RNF216: variants seen among roughly 807,000 people sequenced by gnomAD.
RNF216 encodes the protein ring finger protein 216.
Under a neutral mutation model 110.8 loss-of-function variants are expected in RNF216, and 72 were observed. That is an observed-to-expected ratio of 0.65 (90% CI 0.54 to 0.79). The LOEUF is 0.79. RNF216 is among the 30% of genes least tolerant of loss of function. The pLI, the probability that RNF216 is intolerant of heterozygous loss-of-function variation, is 0.00. For missense variants in RNF216, 1,342 were observed against 1,141.2 expected (o/e 1.18, Z -2.54); for synonymous variants, 495 against 407.5 (o/e 1.21, Z -2.59).
At chr7:5,651,939 G>T (rs1415773666) in intron 14 of RNF216, among the ~76,000 whole-genome samples, 1 of 152,140 alleles carries the variant, frequency 6.6e-6, no homozygotes, top group African/African-American at 2.4e-5. Flanking sequence ...GAGCCACTGC[G>T]CCTGGCCTGC....
At chr7:5,667,993 C>A (rs901922647) in intron 13 of RNF216, among the ~76,000 whole-genome samples, 1 of 152,100 alleles carries the variant, frequency 6.6e-6, no homozygotes, top group Non-Finnish European at 1.5e-5. Flanking sequence ...CAGGTAACTT[C>A]GCGTTGGTAT....
chr7:5,636,318 AC>A (rs906763200), intron 15 of RNF216, among the ~76,000 whole-genome samples: 1 of 152,192 alleles, frequency 6.6e-6, no homozygotes, highest in African/African-American at 2.4e-5. Flanking sequence ...TAAAGAAGAC[AC>A]CTTCTTTATA....
At chr7:5,693,064 A>C (rs1245783289) in intron 13 of RNF216, among the ~76,000 whole-genome samples, 1 of 152,236 alleles carries the variant, frequency 6.6e-6, no homozygotes, top group African/African-American at 2.4e-5. Flanking sequence ...AGACAGCTCC[A>C]TATTTGCACA....
At chr7:5,628,426 C>G (rs1786848934) in intron 15 of RNF216, among the ~76,000 whole-genome samples, 2 of 152,308 alleles carry the variant, frequency 1.3e-5, no homozygotes, top group African/African-American at 4.8e-5. Context: ...TCACAGGACA[C>G]TGTGCTTAAT....
intron 13 of RNF216, among the ~76,000 whole-genome samples, chr7:5,689,173 G>C (rs1218414097): frequency 6.6e-6 from 1 of 151,962 alleles, no homozygotes; most frequent in Admixed American, 6.6e-5. Flanking sequence ...GGGGGTCCTG[G>C]AGTGCAGCGC....
chr7:5,647,974 T>A (rs1788152576), intron 14 of RNF216, among the ~76,000 whole-genome samples: 2 of 152,180 alleles, frequency 1.3e-5, no homozygotes, highest in African/African-American at 2.4e-5. Flanking sequence ...TTCATTTGCT[T>A]AGAAGTATTT....
At chr7:5,716,127 A>C (rs1246649349) in intron 10 of RNF216, among the ~76,000 whole-genome samples, 1 of 152,164 alleles carries the variant, frequency 6.6e-6, no homozygotes, top group African/African-American at 2.4e-5. Flanking sequence ...CCTGGGCTCA[A>C]GCAATCCTCC....
chr7:5,771,878 A>C (rs1796513874), intron 1 of RNF216, among the ~76,000 whole-genome samples: 1 of 152,194 alleles, frequency 6.6e-6, no homozygotes, highest in Non-Finnish European at 1.5e-5. Flanking sequence ...GAGGAAACGC[A>C]AAAGGCCAAT....
At position 5,624,039 on chromosome 7, in the gene RNF216, TGG is replaced by T; in HGVS notation, c.2452+15_2452+16del. The T allele has an allele frequency of 6.2e-7, 1 of 1,610,978 alleles. No individual in the cohort carries two copies. Among genetic ancestry groups the T allele is most frequent in the Non-Finnish European group, 8.5e-7 (1 of 1,178,336 alleles). The stretch of plus-strand genomic sequence containing the variant: ...TGGCTGCTGCTCTGTCCTGGGGGCC[TGG>T]GGAGGGGCACTTGCCTCCATTCTTT... On this transcript the variant is annotated intron_variant, in intron 16 of 16. Coordinates refer to ENST00000389902, the MANE Select transcript of RNF216 (RefSeq NM_207111.4). This position sits in a 1 kb window ranked among gnomAD's most constrained non-coding sequence, Gnocchi z 4.4.
intron 2 of RNF216, among the ~76,000 whole-genome samples, chr7:5,758,913 G>A (rs1300031167): frequency 6.6e-6 from 1 of 152,174 alleles, no homozygotes; most frequent in African/African-American, 2.4e-5. Flanking sequence ...AGACTTGGGA[G>A]GGGCTGGGGT....
rs1445803808 is a variant in RNF216, at chr7:5,674,047, T to TA, written c.2062-21538dup. Among the ~76,000 whole-genome samples the TA allele has an allele frequency of 5.3e-4, 81 of 151,478 alleles. 1 individual carries two copies. Among genetic ancestry groups the TA allele is most frequent in the Non-Finnish European group, 8.0e-4 (54 of 67,782 alleles). On this transcript the variant is annotated intron_variant, in intron 13 of 16. Coordinates refer to ENST00000389902, the MANE Select transcript of RNF216 (RefSeq NM_207111.4). ...GATAATTTTCAATTTTTTTTTTTTT[T>TA]ACGACGGAGTCTTGCCTTGTCGCCC...
intron 1 of RNF216, among the ~76,000 whole-genome samples, chr7:5,779,459 C>T (rs1241971386): frequency 6.6e-6 from 1 of 152,026 alleles, no homozygotes; most frequent in East Asian, 1.9e-4. Flanking sequence ...CAAAGCCAGG[C>T]CATGTATTAG....
intron 13 of RNF216, among the ~76,000 whole-genome samples, chr7:5,657,049 G>A (rs1458038191): frequency 1.3e-5 from 2 of 152,218 alleles, no homozygotes; most frequent in Non-Finnish European, 1.5e-5. Flanking sequence ...GAAGGTGTCC[G>A]TCCCCATGCG....
At chr7:5,711,004 TCTTC>T (rs1792651492) in intron 13 of RNF216, among the ~76,000 whole-genome samples, 1 of 152,244 alleles carries the variant, frequency 6.6e-6, no homozygotes, top group Non-Finnish European at 1.5e-5. Flanking sequence ...TTTAGTTTAT[TCTTC>T]CTTTTCTAAT....
chr7:5,778,070 T>C (rs1256007961), intron 1 of RNF216, among the ~76,000 whole-genome samples: 1 of 152,232 alleles, frequency 6.6e-6, no homozygotes, highest in East Asian at 1.9e-4. Context: ...CTTGACATGT[T>C]TTCATACGGC....
chr7:5,772,900 T>A (rs769599759), intron 1 of RNF216, among the ~76,000 whole-genome samples: 3 of 147,928 alleles, frequency 2.0e-5, no homozygotes, highest in Non-Finnish European at 4.5e-5. Context: ...TGCCTCACCC[T>A]CCCGAGTAGC....
intron 4 of RNF216, among the ~76,000 whole-genome samples, chr7:5,740,038 C>T (rs1288215737): frequency 1.3e-5 from 2 of 148,308 alleles, no homozygotes; most frequent in African/African-American, 2.5e-5. Flanking sequence ...ACAAAAAAAA[C>T]CCGCCTGGGT....
chr7:5,635,652 G>A (rs1339983723), intron 15 of RNF216, among the ~76,000 whole-genome samples: 2 of 152,186 alleles, frequency 1.3e-5, no homozygotes, highest in East Asian at 1.9e-4. Flanking sequence ...GCTGGCCTGA[G>A]GGGAGAAGGC....
chr7:5,686,788 G>A (rs1026879600), intron 13 of RNF216, among the ~76,000 whole-genome samples: 18 of 152,178 alleles, frequency 1.2e-4, no homozygotes, highest in African/African-American at 4.1e-4. Flanking sequence ...ATTTTTCCAC[G>A]GACAGGGCGT....
Sources: gnomAD v4.1 joint callset for allele counts (sites outside exome capture counted in the v4.1 genomes callset) on GRCh38, gnomAD v4.1.1 for gene constraint, Gnocchi (gnomAD v3.1) non-coding constraint, MANE v1.5 for transcripts, NCBI Gene and HGNC (gene_info 2026-07-23, HGNC 2026-07-21) for gene names.